The following WFDC10B variants were observed in gnomAD, a reference collection of about 807,000 sequenced individuals.
WFDC10B encodes the protein WAP four-disulfide core domain 10B.
A neutral mutation model predicts 2.7 loss-of-function variants in WFDC10B; 1 was observed. That is an observed-to-expected ratio of 0.38 (90% confidence interval 0.13 to 1.79). WFDC10B has a LOEUF of 1.79. WFDC10B is among the 40% of genes most tolerant of loss of function. WFDC10B has a pLI of 0.33. For missense variants in WFDC10B, 71 were observed against 87.8 expected, an observed-to-expected ratio of 0.81 and a Z score of 0.76; for synonymous variants, 26 against 32.2, an observed-to-expected ratio of 0.81 and a Z score of 0.65.
chr20:45,699,240 C>G (rs950531113), intron 2 of WFDC10B, among the ~76,000 whole-genome samples: 4 of 152,030 alleles, frequency 2.6e-5, no homozygotes, highest in Non-Finnish European at 5.9e-5. Context: ...AGTAAACATA[C>G]AAAGTTAAAC....
intron 2 of WFDC10B, 151 bp downstream of exon 2, chr20:45,704,346 G>A (rs1984298993): frequency 6.7e-7 from 1 of 1,488,088 alleles, no homozygotes; most frequent in Admixed American, 2.1e-5. Flanking sequence ...AGGCAGATGA[G>A]GGTGGCAGGT....
chr20:45,703,303 G>A (rs994019413), intron 2 of WFDC10B, among the ~76,000 whole-genome samples: 2 of 152,180 alleles, frequency 1.3e-5, no homozygotes, highest in African/African-American at 4.8e-5. Context: ...TGAGAGGCCA[G>A]GGGTGAGTAC....
At chr20:45,700,817 C>A (rs576723938) in intron 2 of WFDC10B, among the ~76,000 whole-genome samples, 4 of 152,082 alleles carry the variant, frequency 2.6e-5, no homozygotes, top group African/African-American at 7.2e-5. Flanking sequence ...AAGGGCCTAG[C>A]GAGCACAGTG....
intron 2 of WFDC10B, among the ~76,000 whole-genome samples, chr20:45,691,939 CTT>C (rs1192427688): frequency 1.3e-5 from 2 of 152,164 alleles, no homozygotes; most frequent in Non-Finnish European, 2.9e-5. Context: ...TCTCCATGGT[CTT>C]TACATTTTGA....
chr20:45,687,716 A>C (rs1223784594), intron 2 of WFDC10B, among the ~76,000 whole-genome samples: 1 of 152,074 alleles, frequency 6.6e-6, no homozygotes, highest in Non-Finnish European at 1.5e-5. Flanking sequence ...AACTGGCGTA[A>C]GATGGTATCT....
intron 2 of WFDC10B, among the ~76,000 whole-genome samples, chr20:45,700,631 A>G (rs1409582424): frequency 6.6e-6 from 1 of 152,260 alleles, no homozygotes; most frequent in Non-Finnish European, 1.5e-5. Context: ...ATAATCTGAC[A>G]TAAACTAATT....
intron 2 of WFDC10B, among the ~76,000 whole-genome samples, chr20:45,689,341 T>C (rs937175875): frequency 1.3e-5 from 2 of 151,496 alleles, no homozygotes; most frequent in Non-Finnish European, 3.0e-5. Flanking sequence ...TTTGGTTCCA[T>C]ATGAACTTTA....
At position 45,684,785 on chromosome 20, in the gene WFDC10B, G is replaced by C. The variant is rs761246502; in HGVS notation, c.*45C>G. ...TCGGATGTGGGCACAGTCTCGGATG[G>C]AAGGGTTCAGGGAGCAGGATGCACA... On this transcript the variant is annotated 3_prime_UTR_variant, in exon 4 of 4. Transcript: ENST00000330523. 6.2e-7 allele frequency: 1 copy of C among 1,603,252 alleles called. No individual in the cohort carries two copies. Among genetic ancestry groups the C allele is most frequent in the Non-Finnish European group, 8.5e-7 (1 of 1,173,510 alleles).
At chr20:45,702,264 G>A in intron 2 of WFDC10B, 1 of 1,537,104 alleles carries the variant, frequency 6.5e-7, no homozygotes, top group South Asian at 1.2e-5. Context: ...GGATAGGAGA[G>A]GATCTGAGGG....
At chr20:45,690,141 T>C (rs1360467426) in intron 2 of WFDC10B, among the ~76,000 whole-genome samples, 1 of 152,164 alleles carries the variant, frequency 6.6e-6, no homozygotes, top group Non-Finnish European at 1.5e-5. Context: ...CTGGATTACA[T>C]TTATTGATTT....
At chr20:45,702,161 T>C in intron 2 of WFDC10B, 2 of 1,613,532 alleles carry the variant, frequency 1.2e-6, no homozygotes, top group Non-Finnish European at 1.7e-6. Flanking sequence ...CTGGTGGTGT[T>C]CTGCCTAGCA....
In WFDC10B at chr20:45,704,576, C is replaced by T. The variant is rs762210563; in HGVS notation, c.-129-15G>A. 16 of 1,613,934 alleles carry T rather than the reference C, an allele frequency of 9.9e-6. No homozygotes were observed. The African/African-American group carries it at 2.0e-4, about 20-fold the overall frequency. ...TGTGGGATAGTCTGTTCATCAGAAA[C>T]ATTTCAAAAGCGCAACAGGTAAGAG... On this transcript the variant is annotated splice_polypyrimidine_tract_variant and intron_variant, in intron 1 of 3. Coordinates refer to ENST00000330523, the MANE Select transcript of WFDC10B (RefSeq NM_172006.2).
intron 2 of WFDC10B, among the ~76,000 whole-genome samples, chr20:45,699,752 C>CA (rs1984091148): frequency 6.6e-6 from 1 of 152,190 alleles, no homozygotes; most frequent in Non-Finnish European, 1.5e-5. Context: ...GATCTTGGCT[C>CA]ACTGCAACCT....
Position 45,684,932 on chromosome 20 carries a change from G to T in WFDC10B, c.120C>A (p.Ser40Arg), listed in dbSNP as rs1486132709. The T allele has an allele frequency of 5.0e-6, 8 of 1,613,950 alleles. No homozygotes were observed. Among genetic ancestry groups the T allele is most frequent in the Non-Finnish European group, 6.8e-6 (8 of 1,179,948 alleles). ...AACAGTGGTGGATGCATAGATCTAT[G>T]CTGGGTCGCTTCTCACAGACCTTGA... Reference protein sequence around the residue: ...QRIKVCEKRPSIDLCIHHCSY... With the variant: ...QRIKVCEKRPRIDLCIHHCSY... Residue 40 changes from serine (S) to arginine (R), a missense_variant, in exon 4 of 4, where the codon AGC becomes AGA. Physicochemically the swap from Ser to Arg is moderately radical, Grantham distance 110. Coordinates refer to ENST00000330523, the MANE Select transcript of WFDC10B (RefSeq NM_172006.2).
At chr20:45,698,416 AG>A (rs1194056460) in intron 2 of WFDC10B, among the ~76,000 whole-genome samples, 1 of 152,186 alleles carries the variant, frequency 6.6e-6, no homozygotes, top group Admixed American at 6.5e-5. Flanking sequence ...CAGTAACAAA[AG>A]AAAAAAAAAT....
chr20:45,693,491 C>T (rs1038862724), intron 2 of WFDC10B, among the ~76,000 whole-genome samples: 2 of 152,232 alleles, frequency 1.3e-5, no homozygotes, highest in Non-Finnish European at 2.9e-5. Context: ...CCAGTTGGAG[C>T]TTCCCGGCTG....
At position 45,684,970 on chromosome 20, in the gene WFDC10B, T is replaced by A. The variant is rs767315606; in HGVS notation, c.92-10A>T. ...TCACAGACCTTGATTCCTGAAATGA[T>A]GCAGGAGCAGGGTCAATGAAACCAT... On this transcript the variant is annotated splice_polypyrimidine_tract_variant and intron_variant, in intron 3 of 3. Coordinates refer to ENST00000330523, the MANE Select transcript of WFDC10B (RefSeq NM_172006.2). The A allele has an allele frequency of 6.2e-7, 1 of 1,613,622 alleles. No homozygotes were observed. The highest frequency in any genetic ancestry group is 1.1e-5 in the South Asian group (1 of 91,044).
chr20:45,685,751 T>G, intron 3 of WFDC10B, 151 bp downstream of exon 3: 1 of 1,306,300 alleles, frequency 7.7e-7, no homozygotes, highest in Non-Finnish European at 1.0e-6. Flanking sequence ...TGGAGGGCCA[T>G]GGTTTGGGAC....
intron 2 of WFDC10B, among the ~76,000 whole-genome samples, chr20:45,703,682 G>A (rs968016555): frequency 2.0e-5 from 3 of 152,148 alleles, no homozygotes; most frequent in Non-Finnish European, 2.9e-5. Context: ...TCCCAGGGCA[G>A]GTAGGTCTTA....
Sources: allele counts gnomAD v4.1 joint callset (sites outside exome capture counted in the v4.1 genomes callset), GRCh38; gene constraint gnomAD v4.1.1; transcripts MANE v1.5; gene names NCBI Gene and HGNC (gene_info 2026-07-23, HGNC 2026-07-21).